ZFP14: variants seen among roughly 807,000 people sequenced by gnomAD.
ZFP14 encodes ZFP14 zinc finger protein.
Under a neutral mutation model 54.5 loss-of-function variants are expected in ZFP14, and 22 were observed. The observed-to-expected ratio is 0.40, with a 90% CI of 0.29 to 0.58. The LOEUF (loss-of-function observed/expected upper bound fraction) is 0.58. Among genes scored for constraint, ZFP14 ranks in the 20% least tolerant of loss-of-function variants. ZFP14 has a pLI of 0.39. For synonymous variants in ZFP14, 159 were observed against 204.0 expected (o/e 0.78, Z 1.88); for missense variants, 470 against 637.8 (o/e 0.74, Z 2.83).
Position 36,356,159 on chromosome 19 carries a change from GCGC to G in ZFP14, c.235+4273_235+4275del, listed in dbSNP as rs1325370048. Among the ~76,000 whole-genome samples, 34 of 101,056 alleles carry G rather than the reference GCGC, an allele frequency of 3.4e-4. 2 individuals are homozygous for G. The highest frequency in any genetic ancestry group is 8.6e-4 in the East Asian group (3 of 3,488). The allele number at this position is 101,056 out of a possible 152,430, so 66.3% of individuals were successfully genotyped here. On this transcript the variant is annotated intron_variant, in intron 4 of 4. Coordinates refer to ENST00000270001, the MANE Select transcript of ZFP14 (RefSeq NM_020917.3). Reference sequence around the variant, plus strand: ...CAAAACAAGAAATTAATGGGGCTGGGCGCAGTAGCTCATGCCTCTAATCCTAGC... The same window carrying G: ...CAAAACAAGAAATTAATGGGGCTGGGAGTAGCTCATGCCTCTAATCCTAGC...
Position 36,356,009 on chromosome 19 carries a change from AT to A in ZFP14, c.235+4425del, listed in dbSNP as rs554305086. ...CATTCCCCTCAACAGCATCCTTAAA[AT>A]TTTTTTTATTTTAAAATAATTATAG... is the stretch of plus-strand genomic sequence containing the variant. On this transcript the variant is annotated intron_variant, in intron 4 of 4. Coordinates refer to ENST00000270001, the MANE Select transcript of ZFP14 (RefSeq NM_020917.3). 1.7e-4 allele frequency among the ~76,000 whole-genome samples: 24 copies of A among 142,772 alleles called. 2 individuals are homozygous for A. The East Asian group carries it at 3.1e-3, about 19-fold the overall frequency. The allele number at this position is 142,772 out of a possible 152,430, so 93.7% of individuals were successfully genotyped here.
At chr19:36,357,595 T>C (rs2031636726) in intron 4 of ZFP14, among the ~76,000 whole-genome samples, 1 of 152,214 alleles carries the variant, frequency 6.6e-6, no homozygotes, top group African/African-American at 2.4e-5. Context: ...TTGGAATGCT[T>C]TGGCATCTTT....
intron 4 of ZFP14, among the ~76,000 whole-genome samples, chr19:36,352,140 T>A (rs2031537984): frequency 7.2e-6 from 1 of 139,098 alleles, no homozygotes; most frequent in South Asian, 2.3e-4. Context: ...GCCGAGATCG[T>A]GCCACTGCAC....
chr19:36,340,672 C>T lies in ZFP14; in HGVS notation c.1154G>A (p.Arg385His), dbSNP rs1340430083. 8 of 1,613,448 alleles carry T rather than the reference C, an allele frequency of 5.0e-6. No homozygotes were observed. Among genetic ancestry groups the T allele is most frequent in the Admixed American group, 1.7e-5 (1 of 59,980 alleles). Reference protein sequence around the residue: ...KTFRLRQQLVRHQRIHTREKP... With the variant: ...KTFRLRQQLVHHQRIHTREKP... ...CTCACGAGTATGTATTCTCTGATGG[C>T]GAACTAGTTGTTGTCTTAATCTAAA... Residue 385 changes from arginine to histidine, a missense_variant, in exon 5 of 5, where the codon CGC (arginine) becomes CAC (histidine). By Grantham distance (29) the Arg-to-His change is conservative (BLOSUM62 0). Transcript: ENST00000270001. This position sits in a 1 kb window ranked among gnomAD's most constrained non-coding sequence, Gnocchi z 5.4.
In ZFP14 at chr19:36,368,191, G is replaced by A. The variant is rs371873294; in HGVS notation, c.-79-220C>T. On this transcript the variant is annotated intron_variant, in intron 1 of 4. Transcript: ENST00000270001. Reference sequence around the variant, plus strand: ...GTCTAAAGAGAAACAAGCTCTGGCCGGGCACGGTGGCTCTCGCCTGTAATC... The same window carrying A: ...GTCTAAAGAGAAACAAGCTCTGGCCAGGCACGGTGGCTCTCGCCTGTAATC... Among the ~76,000 whole-genome samples, 12 of 152,258 alleles carry A rather than the reference G, an allele frequency of 7.9e-5. No homozygotes were observed. In the East Asian group the frequency reaches 1.3e-3, roughly 17 times the overall value.
intron 1 of ZFP14, among the ~76,000 whole-genome samples, chr19:36,369,031 G>A (rs991406448): frequency 1.3e-5 from 2 of 152,084 alleles, no homozygotes; most frequent in South Asian, 2.1e-4. Flanking sequence ...TAGTAGAGAC[G>A]GGGTTTCGCC....
intron 1 of ZFP14, among the ~76,000 whole-genome samples, chr19:36,375,541 C>A (rs1427217644): frequency 6.6e-6 from 1 of 150,928 alleles, no homozygotes; most frequent in East Asian, 1.9e-4. Context: ...GCGCATGCCA[C>A]CACACCCAGC....
rs529635692 is a variant in ZFP14 at position 36,360,365 on chromosome 19, C to T, written c.235+70G>A. 9 of 1,360,434 alleles carry T rather than the reference C, an allele frequency of 6.6e-6. No homozygotes were observed. In the East Asian group the frequency reaches 1.4e-4, roughly 21 times the overall value. The allele number at this position is 1,360,434 out of a possible 1,614,324, so 84.3% of individuals were successfully genotyped here. On this transcript the variant is annotated intron_variant, in intron 4 of 4. Coordinates refer to ENST00000270001, the MANE Select transcript of ZFP14 (RefSeq NM_020917.3). ...GAGACCCCAACATCTCAAGGGTGTG[C>T]CTCCACCCTAATCAGTTTAGCTATT...
At chr19:36,343,609 G>T (rs1397182403) in intron 4 of ZFP14, among the ~76,000 whole-genome samples, 3 of 152,114 alleles carry the variant, frequency 2.0e-5, no homozygotes, top group Non-Finnish European at 4.4e-5. Flanking sequence ...ATCTGAAAAT[G>T]GATAATTTAT....
At chr19:36,371,005 G>A (rs146714352) in intron 1 of ZFP14, among the ~76,000 whole-genome samples, 1 of 152,362 alleles carries the variant, frequency 6.6e-6, no homozygotes, top group East Asian at 1.9e-4. Flanking sequence ...GCTCACACTT[G>A]TAATCCCAGC....
chr19:36,375,361 AT>A (rs1460069868), intron 1 of ZFP14, among the ~76,000 whole-genome samples: 5 of 151,262 alleles, frequency 3.3e-5, no homozygotes, highest in African/African-American at 1.2e-4. Context: ...TCATCGTGAG[AT>A]TGCTGAATAA....
intron 1 of ZFP14, among the ~76,000 whole-genome samples, chr19:36,372,205 C>G (rs1449213549): frequency 6.6e-6 from 1 of 151,640 alleles, no homozygotes; most frequent in Non-Finnish European, 1.5e-5. Flanking sequence ...AGGTAAGTAT[C>G]CAGGTATGGC....
intron 4 of ZFP14, among the ~76,000 whole-genome samples, chr19:36,355,515 T>C (rs116837628): frequency 0.011 from 1,574 of 139,666 alleles, 202 homozygotes; most frequent in African/African-American, 0.039. Context: ...TCTGTCTCTA[T>C]AAATTTTTTT....
chr19:36,342,433 C>T (rs983005351), intron 4 of ZFP14, among the ~76,000 whole-genome samples: 8 of 152,000 alleles, frequency 5.3e-5, no homozygotes, highest in African/African-American at 1.5e-4. Context: ...GTGATCCGCC[C>T]GCCTCAGCCT....
At chr19:36,363,984 G>A (rs1474701496) in intron 2 of ZFP14, among the ~76,000 whole-genome samples, 1 of 149,798 alleles carries the variant, frequency 6.7e-6, no homozygotes, top group African/African-American at 2.4e-5. Context: ...AGTAAGACTC[G>A]GTCTCAAAAA....
intron 4 of ZFP14, among the ~76,000 whole-genome samples, chr19:36,342,618 C>T (rs1307541228): frequency 2.6e-5 from 4 of 152,162 alleles, no homozygotes; most frequent in Non-Finnish European, 5.9e-5. Flanking sequence ...TGCTAGACTT[C>T]AGGTCCTGAG....
intron 1 of ZFP14, among the ~76,000 whole-genome samples, chr19:36,373,952 G>A (rs78429147): frequency 6.8e-6 from 1 of 146,606 alleles, no homozygotes; most frequent in African/African-American, 2.5e-5. Context: ...AAAAAGAACA[G>A]AAAAAAATGA....
In ZFP14 at chr19:36,352,043, G is replaced by C. The variant is rs1197931193; in HGVS notation, c.235+8392C>G. ...CTAAAAATACAAAAAAATTAGCGGG[G>C]CGTGGTGGTGAGCGCCTGTAGTCCC... On this transcript the variant is annotated intron_variant, in intron 4 of 4. Coordinates refer to ENST00000270001, the MANE Select transcript of ZFP14 (RefSeq NM_020917.3). 9.5e-4 allele frequency among the ~76,000 whole-genome samples: 135 copies of C among 141,482 alleles called. 19 individuals carry two copies. Among genetic ancestry groups the C allele is most frequent in the Non-Finnish European group, 1.9e-4 (12 of 63,944 alleles). The allele number at this position is 141,482 out of a possible 152,430, so 92.8% of individuals were successfully genotyped here.
intron 4 of ZFP14, among the ~76,000 whole-genome samples, chr19:36,347,871 G>A (rs572436386): frequency 1.3e-5 from 2 of 152,178 alleles, no homozygotes; most frequent in South Asian, 4.1e-4. Flanking sequence ...GACCAGCCTG[G>A]CCAACATGGT....
Sources: gnomAD v4.1 joint callset for allele counts (sites outside exome capture counted in the v4.1 genomes callset) on GRCh38, gnomAD v4.1.1 for gene constraint, Gnocchi (gnomAD v3.1) non-coding constraint, MANE v1.5 for transcripts, NCBI Gene and HGNC (gene_info 2026-07-23, HGNC 2026-07-21) for gene names.